The following CD6 variants were observed in gnomAD, a reference collection of about 807,000 sequenced individuals.
The protein encoded by CD6 is T-cell differentiation antigen CD6.
A neutral mutation model predicts 75.3 loss-of-function variants in CD6; 53 were observed. The ratio of observed to expected loss-of-function variants is 0.70; its 90% CI spans 0.56 to 0.88. The LOEUF (loss-of-function observed/expected upper bound fraction) is 0.88. CD6 is among the 40% of genes least tolerant of loss of function. The pLI, the probability that CD6 is intolerant of heterozygous loss-of-function variation, is 0.00. For missense variants in CD6, 770 were observed against 897.1 expected, an observed-to-expected ratio of 0.86 and a Z score of 1.81; for synonymous variants, 359 against 381.5, an observed-to-expected ratio of 0.94 and a Z score of 0.69.
chr11:60,978,767 G>A (rs1450694461), intron 1 of CD6, among the ~76,000 whole-genome samples: 2 of 152,140 alleles, frequency 1.3e-5, no homozygotes, highest in Non-Finnish European at 2.9e-5. Context: ...AGGCAGACGC[G>A]GGTTCTGAAT....
chr11:60,999,029 A>G (rs1172100137), intron 1 of CD6, among the ~76,000 whole-genome samples: 1 of 152,052 alleles, frequency 6.6e-6, no homozygotes, highest in Non-Finnish European at 1.5e-5. Flanking sequence ...ATGGTGGCAC[A>G]TGCCTGTAGT....
chr11:60,973,129 A>G (rs1046493652), intron 1 of CD6, among the ~76,000 whole-genome samples: 7 of 152,196 alleles, frequency 4.6e-5, no homozygotes, highest in Admixed American at 1.3e-4. Flanking sequence ...GTCGGGTCCA[A>G]AAGATTTTCC....
chr11:60,987,543 G>A (rs1227228419), intron 1 of CD6, among the ~76,000 whole-genome samples: 1 of 150,326 alleles, frequency 6.7e-6, no homozygotes, highest in South Asian at 2.1e-4. Flanking sequence ...TGTGTGTGTA[G>A]GGTGTGTGTG....
chr11:61,015,820 C>G lies in CD6; in HGVS notation c.1495C>G (p.Leu499Val), dbSNP rs757049918. ...CTTCAGCGCCCAGCCTCCTGTGGCC[C>G]TGACCACCTTCTACAGTGAGTGCCT... ...YDFSAQPPVA[L>V]TTFYNSQRHR... Residue 499 changes from leucine (L) to valine (V), a missense_variant, in exon 9 of 13, where the codon CTG (leucine) becomes GTG (valine). Transcript: ENST00000313421. 6.2e-7 allele frequency: 1 copy of G among 1,614,160 alleles called. No homozygotes were observed. The highest frequency in any genetic ancestry group is 1.1e-5 in the South Asian group (1 of 91,086).
At chr11:60,977,906 T>C (rs551745534) in intron 1 of CD6, among the ~76,000 whole-genome samples, 1 of 152,334 alleles carries the variant, frequency 6.6e-6, no homozygotes, top group South Asian at 2.1e-4. Context: ...ATCATGATTA[T>C]AATGGTGAAA....
chr11:60,980,550 C>A (rs11230545), intron 1 of CD6, among the ~76,000 whole-genome samples: 11,398 of 152,112 alleles, frequency 0.075, 599 homozygotes, highest in Non-Finnish European at 0.12. Flanking sequence ...ATTTGAAGGC[C>A]GGGTGCAGTG....
intron 1 of CD6, among the ~76,000 whole-genome samples, chr11:60,993,149 T>C (rs1858135378): frequency 6.6e-6 from 1 of 152,190 alleles, no homozygotes; most frequent in Non-Finnish European, 1.5e-5. Context: ...ACTTTTCTTT[T>C]AGAGGAACTC....
chr11:60,983,051 C>T (rs1857641961), intron 1 of CD6, among the ~76,000 whole-genome samples: 1 of 151,988 alleles, frequency 6.6e-6, no homozygotes, highest in Non-Finnish European at 1.5e-5. Flanking sequence ...GCCCCTCCAA[C>T]GGCTCCTCCA....
intron 1 of CD6, among the ~76,000 whole-genome samples, chr11:60,977,373 A>G (rs756554723): frequency 9.9e-5 from 15 of 152,002 alleles, no homozygotes; most frequent in Non-Finnish European, 1.8e-4. Context: ...ATGAGCTTTA[A>G]CATCCATGCC....
Position 61,017,807 on chromosome 11 carries a change from A to T in CD6, c.1631A>T (p.His544Leu). Residue 544 changes from histidine to leucine, a missense_variant, in exon 11 of 13, where the codon CAC becomes CTC. His to Leu is a moderately conservative substitution (Grantham distance 99). Transcript: ENST00000313421. Reference protein sequence around the residue: ...ASHIPTANPGHCITDPPSLGP... With the variant: ...ASHIPTANPGLCITDPPSLGP... ...CACATCCCAACTGCCAACCCTGGAC[A>T]CTGCATTACAGACCCGCCATCCCTG... 1 of 1,614,098 alleles carries T rather than the reference A, an allele frequency of 6.2e-7. No homozygotes were observed. The highest frequency in any genetic ancestry group is 1.1e-5 in the South Asian group (1 of 91,078).
chr11:60,973,251 C>G (rs1018320654), intron 1 of CD6, among the ~76,000 whole-genome samples: 4 of 152,250 alleles, frequency 2.6e-5, no homozygotes, highest in Non-Finnish European at 5.9e-5. Flanking sequence ...GCTGGCCCAG[C>G]AGCCAGCCAG....
intron 1 of CD6, among the ~76,000 whole-genome samples, chr11:60,983,124 C>T (rs1465975414): frequency 6.7e-6 from 1 of 149,784 alleles, no homozygotes; most frequent in Non-Finnish European, 1.5e-5. Context: ...TTGACGGAGT[C>T]TCACTCTTGT....
chr11:60,997,390 A>AT (rs1246993946), intron 1 of CD6, among the ~76,000 whole-genome samples: 1 of 149,900 alleles, frequency 6.7e-6, no homozygotes, highest in African/African-American at 2.4e-5. Flanking sequence ...AAAAAAAAAA[A>AT]AATAAAATAA....
chr11:61,001,110 CAT>C (rs1177616948), intron 1 of CD6, among the ~76,000 whole-genome samples: 1 of 151,838 alleles, frequency 6.6e-6, no homozygotes, highest in African/African-American at 2.4e-5. Context: ...AACACTGAAT[CAT>C]GTGGCAATAA....
chr11:60,974,102 G>C (rs1857283652), intron 1 of CD6, among the ~76,000 whole-genome samples: 1 of 152,174 alleles, frequency 6.6e-6, no homozygotes, highest in African/African-American at 2.4e-5. Context: ...GACCTCCAAG[G>C]AGAAAAAGAA....
At chr11:61,000,292 G>A (rs1382111612) in intron 1 of CD6, among the ~76,000 whole-genome samples, 3 of 147,052 alleles carry the variant, frequency 2.0e-5, no homozygotes, top group Non-Finnish European at 4.5e-5. Context: ...GTTGGCATCT[G>A]TGTTTGCAAA....
At chr11:61,011,438 T>TA (rs34745369) in intron 6 of CD6, among the ~76,000 whole-genome samples, 24,819 of 152,050 alleles carry the variant, frequency 0.16, 2,807 homozygotes, top group Middle Eastern at 0.31. Context: ...AGAGAGCTGA[T>TA]ACCACCTCAA....
chr11:61,000,634 C>T (rs545476476), intron 1 of CD6, among the ~76,000 whole-genome samples: 2 of 152,272 alleles, frequency 1.3e-5, no homozygotes, highest in South Asian at 2.1e-4. Flanking sequence ...GGCTGGCCAG[C>T]GGGAGGCTCA....
chr11:60,997,490 A>G (rs1858361951), intron 1 of CD6, among the ~76,000 whole-genome samples: 2 of 151,816 alleles, frequency 1.3e-5, no homozygotes, highest in Non-Finnish European at 2.9e-5. Context: ...CTTTAATAAT[A>G]TATGTTATTT....
Sources: allele counts gnomAD v4.1 joint callset (sites outside exome capture counted in the v4.1 genomes callset), GRCh38; gene constraint gnomAD v4.1.1; transcripts MANE v1.5; gene names NCBI Gene and HGNC (gene_info 2026-07-23, HGNC 2026-07-21).